BMPR1B: variants seen among roughly 807,000 people sequenced by gnomAD.
BMPR1B encodes bone morphogenetic protein receptor type 1B, also known as bone morphogenetic protein receptor type-1B.
In BMPR1B, 12 loss-of-function variants were observed where a neutral mutation model predicts 59.1. The ratio of observed to expected loss-of-function variants is 0.20; its 90% CI spans 0.13 to 0.33. The LOEUF is 0.33. Ranked by LOEUF, BMPR1B falls within the 10% of genes least tolerant of loss-of-function variation. BMPR1B has a pLI of 1.00. For missense variants in BMPR1B, 550 were observed against 610.9 expected (o/e 0.90, Z 1.05); for synonymous variants, 237 against 207.3 (o/e 1.14, Z -1.23).
intron 1 of BMPR1B, among the ~76,000 whole-genome samples, chr4:94,769,670 A>G (rs928247918): frequency 1.3e-5 from 2 of 152,096 alleles, no homozygotes; most frequent in African/African-American, 4.8e-5. Context: ...GCACAAATAG[A>G]CTGAATGTGG....
At chr4:94,831,291 A>G (rs1275779013) in intron 1 of BMPR1B, among the ~76,000 whole-genome samples, 3 of 132,792 alleles carry the variant, frequency 2.3e-5, no homozygotes, top group Non-Finnish European at 5.1e-5. Flanking sequence ...TAATGAAAAA[A>G]TATTTTTGTA....
intron 3 of BMPR1B, among the ~76,000 whole-genome samples, chr4:95,035,034 A>G (rs931694673): frequency 1.3e-5 from 2 of 152,036 alleles, no homozygotes; most frequent in African/African-American, 4.8e-5. Context: ...GTAATTAGTG[A>G]TGTTGAACAT....
At chr4:95,039,880 C>G (rs1374382789) in intron 3 of BMPR1B, among the ~76,000 whole-genome samples, 1 of 152,188 alleles carries the variant, frequency 6.6e-6, no homozygotes, top group Non-Finnish European at 1.5e-5. Flanking sequence ...CCCCTGGTAG[C>G]ATGTCATGAC....
intron 11 of BMPR1B, among the ~76,000 whole-genome samples, chr4:95,150,434 A>C (rs1734955203): frequency 6.9e-6 from 1 of 144,810 alleles, no homozygotes; most frequent in Non-Finnish European, 1.5e-5. Context: ...ATAGATTGGG[A>C]CCCAGTCTGT....
chr4:94,862,984 G>C (rs1241677961), intron 1 of BMPR1B, among the ~76,000 whole-genome samples: 1 of 150,780 alleles, frequency 6.6e-6, no homozygotes, highest in Non-Finnish European at 1.5e-5. Flanking sequence ...TGGGCATGGT[G>C]GTGGGCGCCT....
chr4:95,148,900 T>C lies in BMPR1B; in HGVS notation c.1229T>C (p.Val410Ala). Residue 410 changes from valine (V) to alanine (A), a missense_variant, in exon 11 of 13, where the codon GTT becomes GCT. Around this residue, in one of 6 missense-constraint regions of BMPR1B, gnomAD observed 123 missense variants for 164.6 expected, o/e 0.75. Transcript: ENST00000515059. ...MYSFGLILWE[V>A]ARRCVSGGIV... ...AGTTTTGGCCTCATCCTTTGGGAGG[T>C]TGCTAGGAGATGTGTATCAGGAGGT... 1 of 1,613,970 alleles carries C rather than the reference T, an allele frequency of 6.2e-7. No individual in the cohort carries two copies. The highest frequency in any genetic ancestry group is 8.5e-7 in the Non-Finnish European group (1 of 1,179,900).
intron 4 of BMPR1B, among the ~76,000 whole-genome samples, chr4:95,109,569 G>A (rs896495655): frequency 6.6e-6 from 1 of 151,726 alleles, no homozygotes; most frequent in African/African-American, 2.4e-5. Flanking sequence ...AACCATCCAG[G>A]GTTTTATTTT....
chr4:95,061,579 C>G (rs1035471185), intron 3 of BMPR1B, among the ~76,000 whole-genome samples: 1 of 152,162 alleles, frequency 6.6e-6, no homozygotes, highest in East Asian at 1.9e-4. Context: ...TTTTTATTAT[C>G]TACTTTTGTT....
chr4:95,060,596 T>G (rs1727288208), intron 3 of BMPR1B, among the ~76,000 whole-genome samples: 1 of 152,178 alleles, frequency 6.6e-6, no homozygotes, highest in Non-Finnish European at 1.5e-5. Context: ...TCAGATACAT[T>G]TAACTAAGTG....
At chr4:94,781,698 C>G (rs985211619) in intron 1 of BMPR1B, among the ~76,000 whole-genome samples, 1 of 152,238 alleles carries the variant, frequency 6.6e-6, no homozygotes, top group Admixed American at 6.5e-5. Flanking sequence ...GCGTGAGCCA[C>G]TCTGCCCAGC....
intron 1 of BMPR1B, among the ~76,000 whole-genome samples, chr4:94,790,946 G>C (rs941025516): frequency 1.3e-5 from 2 of 152,096 alleles, no homozygotes; most frequent in Admixed American, 1.3e-4. Context: ...TTGTGAAGTT[G>C]TCAAGAATAA....
intron 4 of BMPR1B, among the ~76,000 whole-genome samples, chr4:95,111,925 C>T (rs1731658234): frequency 1.3e-5 from 2 of 152,076 alleles, no homozygotes; most frequent in Admixed American, 6.6e-5. Flanking sequence ...CTTGCATTAT[C>T]ACTGCTTTGA....
At chr4:94,999,484 A>T (rs1429490146) in intron 3 of BMPR1B, among the ~76,000 whole-genome samples, 1 of 151,782 alleles carries the variant, frequency 6.6e-6, no homozygotes, top group Non-Finnish European at 1.5e-5. Flanking sequence ...TGAACTCATA[A>T]GTTTATTTGG....
intron 3 of BMPR1B, among the ~76,000 whole-genome samples, chr4:95,064,106 A>G (rs1727619876): frequency 6.6e-6 from 1 of 152,190 alleles, no homozygotes. Context: ...AAATAATTAT[A>G]TGGAAATATT....
intron 3 of BMPR1B, among the ~76,000 whole-genome samples, chr4:94,998,272 A>G (rs753942994): frequency 1.3e-5 from 2 of 152,100 alleles, no homozygotes; most frequent in African/African-American, 2.4e-5. Flanking sequence ...TATTGAAGCA[A>G]TGTGAATGAA....
intron 1 of BMPR1B, among the ~76,000 whole-genome samples, chr4:94,845,503 C>T (rs9992184): frequency 0.61 from 92,655 of 151,330 alleles, 29,320 homozygotes; most frequent in African/African-American, 0.78. Context: ...CCACCACGCC[C>T]GGCTAATTTT....
intron 1 of BMPR1B, among the ~76,000 whole-genome samples, chr4:94,780,264 A>G (rs1255054548): frequency 6.6e-6 from 1 of 152,202 alleles, no homozygotes; most frequent in Admixed American, 6.5e-5. Flanking sequence ...GTAAAATGGA[A>G]TGATACAATA....
intron 2 of BMPR1B, among the ~76,000 whole-genome samples, chr4:94,905,455 T>C (rs1727999710): frequency 6.6e-6 from 1 of 152,070 alleles, no homozygotes; most frequent in African/African-American, 2.4e-5. Context: ...AATAACTGAA[T>C]ATTTTTTACA....
intron 1 of BMPR1B, among the ~76,000 whole-genome samples, chr4:94,848,058 G>T (rs1725410234): frequency 1.3e-5 from 2 of 152,072 alleles, no homozygotes; most frequent in Admixed American, 1.3e-4. Context: ...CACCTAATAT[G>T]TGCCTACAAA....
Sources: gnomAD v4.1 joint callset for allele counts (sites outside exome capture counted in the v4.1 genomes callset) on GRCh38, gnomAD v4.1.1 for gene constraint, gnomAD v4.1.1 regional missense constraint, MANE v1.5 for transcripts, NCBI Gene and HGNC (gene_info 2026-07-23, HGNC 2026-07-21) for gene names.